Variants in VASP observed in about 807,000 individuals in gnomAD.
The protein encoded by VASP is vasodilator-stimulated phosphoprotein.
Under a neutral mutation model 54.4 loss-of-function variants are expected in VASP, and 27 were observed. That is an observed-to-expected ratio of 0.50 (90% confidence interval 0.37 to 0.68). VASP has a LOEUF of 0.68. Among genes scored for constraint, VASP ranks in the 30% least tolerant of loss-of-function variants. VASP has a pLI of 0.00. For synonymous variants in VASP, 233 were observed against 209.8 expected (o/e 1.11, Z -0.96); for missense variants, 488 against 528.3 (o/e 0.92, Z 0.75).
intron 3 of VASP, 98 bp from the exon 4 acceptor site, chr19:45,521,223 TG>T: frequency 8.1e-7 from 1 of 1,235,740 alleles, no homozygotes; most frequent in Non-Finnish European, 1.2e-6. Context: ...TGAGCGCCTC[TG>T]GGCAGGATTC....
intron 1 of VASP, among the ~76,000 whole-genome samples, chr19:45,516,355 G>C (rs538642488): frequency 1.3e-5 from 2 of 152,234 alleles, no homozygotes; most frequent in African/African-American, 4.8e-5. Flanking sequence ...GGTGGGCAGC[G>C]GGAAGTCCCT....
intron 1 of VASP, 141 bp from the exon 2 acceptor site, chr19:45,517,522 G>A (rs1324010307): frequency 2.7e-5 from 27 of 988,418 alleles, no homozygotes; most frequent in Non-Finnish European, 3.1e-5. Context: ...TGTCTCCCCC[G>A]TCTCCTTCTG....
chr19:45,523,796 G>C, intron 8 of VASP, 45 bp from the exon 9 acceptor site: 2 of 1,614,144 alleles, frequency 1.2e-6, no homozygotes, highest in Non-Finnish European at 1.7e-6. Flanking sequence ...GAAATGGGCA[G>C]AGGTGTGGCA....
At chr19:45,515,615 C>T (rs141361157) in intron 1 of VASP, among the ~76,000 whole-genome samples, 4 of 152,114 alleles carry the variant, frequency 2.6e-5, no homozygotes, top group African/African-American at 4.8e-5. Context: ...CAGCTCACTG[C>T]GGCCTCCACC....
intron 10 of VASP, 109 bp from the exon 11 acceptor site, chr19:45,524,461 C>A: frequency 2.6e-6 from 3 of 1,141,624 alleles, no homozygotes; most frequent in South Asian, 1.3e-5. Flanking sequence ...AATACTTGGA[C>A]TTGCCCAATT....
chr19:45,511,199 A>C (rs1216036090), intron 1 of VASP, among the ~76,000 whole-genome samples: 4 of 152,042 alleles, frequency 2.6e-5, no homozygotes, highest in Non-Finnish European at 5.9e-5. Flanking sequence ...TTTATGGTAT[A>C]AGGAGGGTAT....
Position 45,507,586 on chromosome 19 carries a change from GGAAGC to G in VASP, c.-184_-180del. 1.6e-6 allele frequency: 1 copy of G among 626,334 alleles called. No individual in the cohort carries two copies. The highest frequency in any genetic ancestry group is 2.1e-5 in the South Asian group (1 of 46,590). 38.8% of individuals were successfully genotyped at this position (626,334 alleles called of 1,614,324 possible). On this transcript the variant is annotated 5_prime_UTR_variant, in exon 1 of 13. Coordinates refer to ENST00000245932, the MANE Select transcript of VASP (RefSeq NM_003370.4). The surrounding 1 kb of genome is among the most constrained non-coding windows in gnomAD (Gnocchi z 4.4). ...GGAACCTCTCATCAGACCGCCTGAG[GGAAGC>G]GGCGCCCGGAGACCCGCCCCGGCCC...
chr19:45,521,382 C>A lies in VASP; in HGVS notation c.404C>A (p.Pro135Gln). ...PTWSVPNGPS[P>Q]EEVEQQKRQQ... ...TGGTCGGTCCCGAACGGCCCCTCCCCGGAGGAGGTGGAGCAGCAGAAAAGG... is the reference window on the plus strand; with the variant it reads ...TGGTCGGTCCCGAACGGCCCCTCCCAGGAGGAGGTGGAGCAGCAGAAAAGG... The change falls in exon 4 of 13, where the codon CCG (proline) becomes CAG (glutamine). Residue 135 changes from proline to glutamine, a missense_variant. By Grantham distance (76) the Pro-to-Gln change is moderately conservative. Around this residue, in one of 4 missense-constraint regions of VASP, gnomAD observed 226 missense variants for 196.0 expected, o/e 1.15. Transcript: ENST00000245932. 4 of 1,575,792 alleles carry A rather than the reference C, an allele frequency of 2.5e-6. No homozygotes were observed. Among genetic ancestry groups the A allele is most frequent in the Admixed American group, 1.9e-5 (1 of 53,900 alleles).
At position 45,517,973 on chromosome 19, in the gene VASP, G is replaced by T; in HGVS notation, c.222G>T (p.Gln74His). 1 of 1,609,566 alleles carries T rather than the reference G, an allele frequency of 6.2e-7. No homozygotes were observed. Among genetic ancestry groups the T allele is most frequent in the Non-Finnish European group, 8.5e-7 (1 of 1,177,906 alleles). ...TCGTCCGGGGTGTCAAGTATAACCA[G>T]GCCACCCCCAACTTCCATCAGTGGC... ...CAIVRGVKYN[Q>H]ATPNFHQWRD... Residue 74 changes from glutamine (Q) to histidine (H), a missense_variant, in exon 3 of 13, where the codon CAG (glutamine) becomes CAT (histidine). Gln to His is a conservative substitution (Grantham distance 24, BLOSUM62 0). Around this residue, in one of 4 missense-constraint regions of VASP, gnomAD observed 127 missense variants for 170.7 expected, o/e 0.74. Transcript: ENST00000245932.
chr19:45,523,537 T>A lies in VASP; in HGVS notation c.822-107T>A, dbSNP rs187164886. The A allele has an allele frequency of 3.8e-6, 5 of 1,307,300 alleles. No homozygotes were observed. The East Asian group carries it at 1.2e-4, about 32-fold the overall frequency. The allele number at this position is 1,307,300 out of a possible 1,614,324, so 81.0% of individuals were successfully genotyped here. The stretch of plus-strand genomic sequence containing the variant: ...CTAAAACTAGAGTTTCCTTAGGTTT[T>A]CGGAGTTCCAGAATTCTATGCGCTA... On this transcript the variant is annotated intron_variant, in intron 7 of 12. Transcript: ENST00000245932.
Position 45,523,888 on chromosome 19 carries a change from T to G in VASP, c.910+11T>G, listed in dbSNP as rs749192149. On this transcript the variant is annotated intron_variant, in intron 9 of 12. Coordinates refer to ENST00000245932, the MANE Select transcript of VASP (RefSeq NM_003370.4). ...TCCCGGCCCAGAGTGGTGAGTAGAG[T>G]GCCCAGTCCAGCCACAGGAACTACA... 2 of 1,613,146 alleles carry G rather than the reference T, an allele frequency of 1.2e-6. No homozygotes were observed. Among genetic ancestry groups the G allele is most frequent in the African/African-American group, 2.7e-5 (2 of 74,648 alleles).
intron 1 of VASP, among the ~76,000 whole-genome samples, chr19:45,514,499 G>A (rs1599930784): frequency 1.3e-5 from 2 of 152,146 alleles, no homozygotes; most frequent in Admixed American, 1.3e-4. Flanking sequence ...GGGATTACAG[G>A]CATGAGCCAC....
intron 7 of VASP, 77 bp from the exon 8 acceptor site, chr19:45,523,567 C>G (rs1968892018): frequency 2.0e-6 from 3 of 1,529,012 alleles, no homozygotes; most frequent in Non-Finnish European, 2.7e-6. Context: ...GCGCTAGGAT[C>G]TACATTTCTA....
chr19:45,508,668 C>G (rs1331853090), intron 1 of VASP, among the ~76,000 whole-genome samples: 1 of 152,210 alleles, frequency 6.6e-6, no homozygotes, highest in Admixed American at 6.5e-5. Context: ...ACGGCCCCTC[C>G]CCCTTTGCTC....
At position 45,518,044 on chromosome 19, in the gene VASP, A is replaced by T. The variant is rs1188684370; in HGVS notation, c.293A>T (p.Asp98Val). The T allele has an allele frequency of 6.2e-7, 1 of 1,613,840 alleles. No individual in the cohort carries two copies. The highest frequency in any genetic ancestry group is 1.7e-5 in the Admixed American group (1 of 60,018). ...VWGLNFGSKE[D>V]AAQFAAGMAS... ...GGCCTCAACTTCGGCAGCAAGGAGG[A>T]TGCGGCCCAGTTTGCCGCCGGCATG... The change falls in exon 3 of 13, where the codon GAT becomes GTT. Residue 98 changes from aspartate (D) to valine (V), a missense_variant. Transcript: ENST00000245932.
chr19:45,523,189 A>ATTTTTTTTTTTTTTTT (rs1568390471), intron 7 of VASP, among the ~76,000 whole-genome samples: 1 of 107,002 alleles, frequency 9.3e-6, no homozygotes, highest in Non-Finnish European at 1.8e-5. Context: ...CAATCTCTTG[A>ATTTTTTTTTTTTTTTT]ATTTTTTTTT....
chr19:45,517,768 G>C lies in VASP; in HGVS notation c.111G>C (p.Gln37His). The C allele has an allele frequency of 1.2e-6, 2 of 1,613,840 alleles. No homozygotes were observed. The highest frequency in any genetic ancestry group is 1.7e-6 in the Non-Finnish European group (2 of 1,180,024). The change falls in exon 2 of 13, where the codon CAG (glutamine) becomes CAC (histidine). Residue 37 changes from glutamine to histidine, a missense_variant. Physicochemically the swap from Gln to His is conservative, Grantham distance 24 (BLOSUM62 0). Transcript: ENST00000245932. ...GTGPQAFSRV[Q>H]IYHNPTANSF... ...GTCCCCAGGCCTTCAGCCGCGTCCA[G>C]ATCTACCACAACCCCACGGCCAATT...
intron 6 of VASP, 43 bp downstream of exon 6, chr19:45,522,624 A>C: frequency 6.6e-7 from 1 of 1,523,870 alleles, no homozygotes; most frequent in Non-Finnish European, 8.7e-7. Context: ...CAGGGCTTTT[A>C]TGGGGGATGA....
chr19:45,523,915 A>G (rs765838224), intron 9 of VASP, 38 bp downstream of exon 9: 12 of 1,613,356 alleles, frequency 7.4e-6, no homozygotes, highest in Non-Finnish European at 9.3e-6. Flanking sequence ...GGAACTACAA[A>G]TCCCAGAATA....
Sources: gnomAD v4.1 joint callset for allele counts (sites outside exome capture counted in the v4.1 genomes callset) on GRCh38, gnomAD v4.1.1 for gene constraint, gnomAD v4.1.1 regional missense constraint, Gnocchi (gnomAD v3.1) non-coding constraint, MANE v1.5 for transcripts, NCBI Gene and HGNC (gene_info 2026-07-23, HGNC 2026-07-21) for gene names.